OR8G5: variants seen among roughly 807,000 people sequenced by gnomAD.
OR8G5 encodes the protein olfactory receptor 8G5.
For missense variants in OR8G5, 347 were observed against 371.9 expected (o/e 0.93, Z 0.55); for synonymous variants, 147 against 147.7 (o/e 1.00, Z 0.03).
rs1181555469 is a variant in OR8G5 at position 124,264,924 on chromosome 11, A to G, written c.-8A>G. 2 of 1,613,560 alleles carry G rather than the reference A, an allele frequency of 1.2e-6. No individual in the cohort carries two copies. Among genetic ancestry groups the G allele is most frequent in the Admixed American group, 3.3e-5 (2 of 59,962 alleles). On this transcript the variant is annotated 5_prime_UTR_variant, in exon 2 of 2. Coordinates refer to ENST00000641992, the MANE Select transcript of OR8G5 (RefSeq NM_001005198.2). ...TTTTTTCTCTCCCCTGCAGAAACTC[A>G]TCAAAGAATGGCAGCAGAAAACCAT...
intron 1 of OR8G5, among the ~76,000 whole-genome samples, chr11:124,257,335 T>C (rs115091328): frequency 0.013 from 1,957 of 152,258 alleles, 51 homozygotes; most frequent in African/African-American, 0.045. Flanking sequence ...TTAAAGGGTG[T>C]ATTCTTTTTT....
chr11:124,263,121 T>C (rs1406892113), intron 1 of OR8G5, among the ~76,000 whole-genome samples: 1 of 152,198 alleles, frequency 6.6e-6, no homozygotes, highest in African/African-American at 2.4e-5. Flanking sequence ...CATATATCTT[T>C]TCTGTGAGAT....
chr11:124,257,878 T>C (rs1426666350), intron 1 of OR8G5, among the ~76,000 whole-genome samples: 2 of 152,114 alleles, frequency 1.3e-5, no homozygotes, highest in Non-Finnish European at 2.9e-5. Context: ...TGAAGCTTAT[T>C]TCCAAGGCCT....
chr11:124,257,664 A>G (rs1291543566), intron 1 of OR8G5, among the ~76,000 whole-genome samples: 3 of 152,124 alleles, frequency 2.0e-5, no homozygotes, highest in Non-Finnish European at 4.4e-5. Flanking sequence ...GTGCATGGTG[A>G]TGACTCCCAG....
At position 124,265,383 on chromosome 11, in the gene OR8G5, TA is replaced by T; in HGVS notation, c.453del (p.Ile151MetfsTer3). 2 of 1,614,044 alleles carry T rather than the reference TA, an allele frequency of 1.2e-6. No homozygotes were observed. The highest frequency in any genetic ancestry group is 1.7e-6 in the Non-Finnish European group (2 of 1,179,886). ...CFSLILVVYVIGLICASAHIG... is the reference protein window; with the variant it reads ...CFSLILVVYVXGLICASAHIG... Reference sequence around the variant, plus strand: ...TCTCTGATTTTAGTGGTGTATGTAATAGGCCTGATTTGTGCGTCAGCTCATA... The same window carrying T: ...TCTCTGATTTTAGTGGTGTATGTAATGGCCTGATTTGTGCGTCAGCTCATA... On this transcript the variant is annotated frameshift_variant, in exon 2 of 2. Coordinates refer to ENST00000641992, the MANE Select transcript of OR8G5 (RefSeq NM_001005198.2). LOFTEE classifies it low-confidence loss of function (END_TRUNC).
chr11:124,256,916 C>T (rs562612671), intron 1 of OR8G5, among the ~76,000 whole-genome samples: 7 of 152,182 alleles, frequency 4.6e-5, no homozygotes, highest in African/African-American at 1.7e-4. Context: ...TAGAAAGGTC[C>T]AATCAATTAC....
intron 1 of OR8G5, among the ~76,000 whole-genome samples, chr11:124,262,672 T>TACACACAC (rs144755103): frequency 0.015 from 2,223 of 150,954 alleles, 46 homozygotes; most frequent in African/African-American, 0.049. Flanking sequence ...TATATGTACA[T>TACACACAC]ATACACACAC....
chr11:124,261,425 AT>A (rs1346152656), intron 1 of OR8G5, among the ~76,000 whole-genome samples: 2 of 152,030 alleles, frequency 1.3e-5, no homozygotes, highest in African/African-American at 4.8e-5. Context: ...AACCAAAAAA[AT>A]ATTGTGATAG....
At position 124,265,672 on chromosome 11, in the gene OR8G5, T is replaced by C; in HGVS notation, c.741T>C (p.Ala247=). 1 of 1,614,000 alleles carries C rather than the reference T, an allele frequency of 6.2e-7. No homozygotes were observed. Among genetic ancestry groups the C allele is most frequent in the Non-Finnish European group, 8.5e-7 (1 of 1,179,902 alleles). ...GCACTTGCAGCTCCCACATCTCGGC[T>C]GTTTCTGTTTTCTTTGGGTCTGCAG... ...AFSTCSSHIS[A]VSVFFGSAAF... is the part of the protein sequence containing the mutation. Residue 247 remains alanine (A), a synonymous_variant, in exon 2 of 2, where the codon GCT becomes GCC. Coordinates refer to ENST00000641992, the MANE Select transcript of OR8G5 (RefSeq NM_001005198.2).
At position 124,266,006 on chromosome 11, in the gene OR8G5, A is replaced by G; in HGVS notation, c.*139A>G. ...ATTTTACTGACGTTATGTCTTATGC[A>G]CATGGTCTATTTCATGCCATTTCCC... On this transcript the variant is annotated 3_prime_UTR_variant, in exon 2 of 2. Transcript: ENST00000641992. 1 of 1,065,540 alleles carries G rather than the reference A, an allele frequency of 9.4e-7. No homozygotes were observed. Among genetic ancestry groups the G allele is most frequent in the Non-Finnish European group, 1.3e-6 (1 of 761,886 alleles). The allele number at this position is 1,065,540 out of a possible 1,614,324, so 66.0% of individuals were successfully genotyped here. A position where few individuals can be genotyped will look rare whatever the true frequency, so the allele number is the denominator to read the frequency against.
chr11:124,262,515 G>C (rs911581846), intron 1 of OR8G5, among the ~76,000 whole-genome samples: 7 of 151,876 alleles, frequency 4.6e-5, no homozygotes, highest in African/African-American at 1.7e-4. Flanking sequence ...TGTAGGTCTA[G>C]AGAGCTACAC....
rs570272054 is a variant in OR8G5 at position 124,264,574 on chromosome 11, C to T, written c.-14-344C>T. Among the ~76,000 whole-genome samples, 139 of 152,236 alleles carry T rather than the reference C, an allele frequency of 9.1e-4. 1 individual carries two copies. Among genetic ancestry groups the T allele is most frequent in the African/African-American group, 3.2e-3 (133 of 41,548 alleles). The stretch of plus-strand genomic sequence containing the variant: ...CTGTCTGTAGACAGGGATTGTTCTC[C>T]CCAAGTTGTCACTCAGCCATTTTTA... On this transcript the variant is annotated intron_variant, in intron 1 of 1. Coordinates refer to ENST00000641992, the MANE Select transcript of OR8G5 (RefSeq NM_001005198.2).
intron 1 of OR8G5, among the ~76,000 whole-genome samples, chr11:124,263,353 T>C (rs946573996): frequency 1.3e-5 from 2 of 152,072 alleles, no homozygotes; most frequent in African/African-American, 4.8e-5. Flanking sequence ...AAAAATATTT[T>C]ATTTTTTATT....
At chr11:124,258,281 G>A (rs759109568) in intron 1 of OR8G5, among the ~76,000 whole-genome samples, 3 of 152,054 alleles carry the variant, frequency 2.0e-5, no homozygotes, top group African/African-American at 7.2e-5. Flanking sequence ...TCATGGCCAG[G>A]CTCCGTGGCT....
At chr11:124,263,824 T>A (rs937860939) in intron 1 of OR8G5, among the ~76,000 whole-genome samples, 14 of 152,186 alleles carry the variant, frequency 9.2e-5, no homozygotes, top group Admixed American at 3.3e-4. Flanking sequence ...TGTATTTTTT[T>A]AAATAATTTG....
intron 1 of OR8G5, among the ~76,000 whole-genome samples, chr11:124,264,047 C>T (rs569232067): frequency 6.6e-6 from 1 of 152,278 alleles, no homozygotes; most frequent in East Asian, 1.9e-4. Flanking sequence ...TAATTTCTTA[C>T]TATCTTCCCA....
chr11:124,261,996 A>G (rs903337854), intron 1 of OR8G5, among the ~76,000 whole-genome samples: 1 of 151,908 alleles, frequency 6.6e-6, no homozygotes, highest in African/African-American at 2.4e-5. Context: ...AAAACTTGTG[A>G]CAAGTAGCTA....
At chr11:124,263,881 A>G (rs985499274) in intron 1 of OR8G5, among the ~76,000 whole-genome samples, 1 of 152,134 alleles carries the variant, frequency 6.6e-6, no homozygotes, top group African/African-American at 2.4e-5. Flanking sequence ...TAGCTACATC[A>G]TCTATTCACT....
intron 1 of OR8G5, among the ~76,000 whole-genome samples, chr11:124,259,484 A>G (rs1861945919): frequency 1.3e-5 from 2 of 152,194 alleles, no homozygotes. Flanking sequence ...TACAAATAGC[A>G]ATATGAACAA....
Sources: gnomAD v4.1 joint callset for allele counts (sites outside exome capture counted in the v4.1 genomes callset) on GRCh38, gnomAD v4.1.1 for gene constraint, MANE v1.5 for transcripts, NCBI Gene and HGNC (gene_info 2026-07-23, HGNC 2026-07-21) for gene names.